LHFPL3: variants seen among roughly 807,000 people sequenced by gnomAD.
LHFPL3 encodes LHFPL tetraspan subfamily member 3, also known as LHFPL tetraspan subfamily member 3 protein.
Under a neutral mutation model 19.3 loss-of-function variants are expected in LHFPL3, and 5 were observed. That is an observed-to-expected ratio of 0.26 (90% confidence interval 0.14 to 0.54). The LOEUF (loss-of-function observed/expected upper bound fraction) is 0.54. Among genes scored for constraint, LHFPL3 ranks in the 20% least tolerant of loss-of-function variants. LHFPL3 has a pLI of 0.94. For missense variants in LHFPL3, 249 were observed against 307.4 expected (o/e 0.81, Z 1.42); for synonymous variants, 133 against 126.2 (o/e 1.05, Z -0.36).
At chr7:104,413,975 T>C (rs1054364573) in intron 1 of LHFPL3, among the ~76,000 whole-genome samples, 1 of 152,168 alleles carries the variant, frequency 6.6e-6, no homozygotes, top group Non-Finnish European at 1.5e-5. Context: ...TATATAAGAA[T>C]CTCTTATTCA....
At chr7:104,737,811 G>A (rs1345980930) in intron 2 of LHFPL3, among the ~76,000 whole-genome samples, 1 of 151,974 alleles carries the variant, frequency 6.6e-6, no homozygotes, top group Non-Finnish European at 1.5e-5. Context: ...TTTCTAATTG[G>A]GAGCTAAATC....
intron 2 of LHFPL3, among the ~76,000 whole-genome samples, chr7:104,793,389 G>A (rs1179523481): frequency 2.0e-5 from 3 of 152,168 alleles, no homozygotes; most frequent in Admixed American, 6.5e-5. Flanking sequence ...TGCGTTACAG[G>A]AAATAAGATG....
chr7:104,741,132 A>G (rs964039533), intron 2 of LHFPL3, among the ~76,000 whole-genome samples: 2 of 152,216 alleles, frequency 1.3e-5, no homozygotes, highest in African/African-American at 4.8e-5. Flanking sequence ...CTCCACTTCT[A>G]CAGACTGCTT....
At chr7:104,453,124 G>C (rs1792472919) in intron 1 of LHFPL3, among the ~76,000 whole-genome samples, 1 of 152,008 alleles carries the variant, frequency 6.6e-6, no homozygotes, top group African/African-American at 2.4e-5. Context: ...GCTGGTTCTT[G>C]ATCTGAGACT....
chr7:104,594,491 T>C (rs1487587697), intron 1 of LHFPL3, among the ~76,000 whole-genome samples: 1 of 152,180 alleles, frequency 6.6e-6, no homozygotes, highest in Non-Finnish European at 1.5e-5. Flanking sequence ...ATTTCAACCT[T>C]GGTGAATCTG....
chr7:104,347,903 C>A (rs1335186471), intron 1 of LHFPL3, among the ~76,000 whole-genome samples: 152 of 132,354 alleles, frequency 1.1e-3, no homozygotes, highest in African/African-American at 2.9e-3. Flanking sequence ...AAAAAAAAAA[C>A]AAAATAAAAA....
chr7:104,834,590 T>C (rs541521050), intron 2 of LHFPL3, among the ~76,000 whole-genome samples: 3 of 152,040 alleles, frequency 2.0e-5, no homozygotes, highest in Non-Finnish European at 4.4e-5. Context: ...CAGTTGCCCT[T>C]GTCAAGTGGA....
intron 1 of LHFPL3, among the ~76,000 whole-genome samples, chr7:104,458,165 G>A (rs1299144510): frequency 6.6e-6 from 1 of 151,646 alleles, no homozygotes. Flanking sequence ...ATTGCTTTTG[G>A]TGTTTTAGAC....
chr7:104,903,666 A>C (rs1016844022), intron 2 of LHFPL3, among the ~76,000 whole-genome samples: 3 of 152,020 alleles, frequency 2.0e-5, no homozygotes, highest in African/African-American at 7.2e-5. Context: ...GGTTTTCGCC[A>C]TATTGACCAG....
At position 104,635,190 on chromosome 7, in the gene LHFPL3, A is replaced by G. The variant is rs139032735; in HGVS notation, c.446-101485A>G. ...ATATGGGGGGGAAAGGTAAGAAAAT[A>G]GAGTGTCAATCCAGAATTCCCAACA... is the stretch of plus-strand genomic sequence containing the variant. On this transcript the variant is annotated intron_variant, in intron 1 of 2. Coordinates refer to ENST00000424859, the MANE Select transcript of LHFPL3 (RefSeq NM_199000.3). Among the ~76,000 whole-genome samples the G allele has an allele frequency of 7.2e-3, 1,095 of 152,272 alleles. 15 individuals are homozygous for G. The highest frequency in any genetic ancestry group is 0.025 in the African/African-American group (1,037 of 41,564).
intron 2 of LHFPL3, among the ~76,000 whole-genome samples, chr7:104,793,331 C>T (rs1790058839): frequency 6.6e-6 from 1 of 152,136 alleles, no homozygotes; most frequent in South Asian, 2.1e-4. Flanking sequence ...TAACAGAAAA[C>T]CAAGTGTTTA....
intron 1 of LHFPL3, among the ~76,000 whole-genome samples, chr7:104,681,845 G>C (rs992549526): frequency 6.6e-6 from 1 of 152,194 alleles, no homozygotes; most frequent in African/African-American, 2.4e-5. Flanking sequence ...ACATAGGCCA[G>C]ATCCTAGACA....
intron 2 of LHFPL3, among the ~76,000 whole-genome samples, chr7:104,748,835 C>T (rs982641038): frequency 4.6e-5 from 7 of 152,216 alleles, no homozygotes; most frequent in Admixed American, 4.6e-4. Context: ...CTAAGTCTCT[C>T]GTTCTACCTT....
At chr7:104,625,110 C>A (rs117217554) in intron 1 of LHFPL3, among the ~76,000 whole-genome samples, 1,946 of 152,302 alleles carry the variant, frequency 0.013, 20 homozygotes, top group South Asian at 0.033. Flanking sequence ...AACATCTCTG[C>A]AAATCATATG....
intron 1 of LHFPL3, among the ~76,000 whole-genome samples, chr7:104,618,987 T>TA (rs1791397033): frequency 6.6e-6 from 1 of 152,206 alleles, no homozygotes; most frequent in Non-Finnish European, 1.5e-5. Context: ...CCCTACGTAC[T>TA]AACTGTTCAC....
rs1440271172 is a variant in LHFPL3 at position 104,399,247 on chromosome 7, A to G, written c.445+70023A>G. 6.6e-6 allele frequency among the ~76,000 whole-genome samples: 1 copy of G among 152,134 alleles called. No individual in the cohort carries two copies. Among genetic ancestry groups the G allele is most frequent in the African/African-American group, 2.4e-5 (1 of 41,432 alleles). On this transcript the variant is annotated intron_variant, in intron 1 of 2. Transcript: ENST00000424859. This position sits in a 1 kb window ranked among gnomAD's most constrained non-coding sequence, Gnocchi z 4.4. Reference sequence around the variant, plus strand: ...TTCCAGCTGGACAAGGCCCTGGTGCAGATTTAGGGTGCTAGAATAAGCATC... The same window carrying G: ...TTCCAGCTGGACAAGGCCCTGGTGCGGATTTAGGGTGCTAGAATAAGCATC...
intron 1 of LHFPL3, among the ~76,000 whole-genome samples, chr7:104,383,307 G>T (rs1263093934): frequency 6.6e-6 from 1 of 152,180 alleles, no homozygotes. Context: ...GTAGGGTCTT[G>T]GGCCACAAGG....
At chr7:104,374,949 A>C (rs865908367) in intron 1 of LHFPL3, among the ~76,000 whole-genome samples, 1 of 152,240 alleles carries the variant, frequency 6.6e-6, no homozygotes, top group Non-Finnish European at 1.5e-5. Flanking sequence ...CATTTAGATC[A>C]TGTTTCTTTG....
At chr7:104,721,323 G>A (rs543219527) in intron 1 of LHFPL3, among the ~76,000 whole-genome samples, 2 of 152,268 alleles carry the variant, frequency 1.3e-5, no homozygotes, top group South Asian at 2.1e-4. Flanking sequence ...TCCCTCATAG[G>A]TGGGAACTGA....
Sources: gnomAD v4.1 joint callset for allele counts (sites outside exome capture counted in the v4.1 genomes callset) on GRCh38, gnomAD v4.1.1 for gene constraint, Gnocchi (gnomAD v3.1) non-coding constraint, MANE v1.5 for transcripts, NCBI Gene and HGNC (gene_info 2026-07-23, HGNC 2026-07-21) for gene names.